Variants in ADK observed in about 807,000 individuals in gnomAD.
ADK encodes adenosine kinase.
In ADK, 24 loss-of-function variants were observed where a neutral mutation model predicts 44.7. The ratio of observed to expected loss-of-function variants is 0.54; its 90% CI spans 0.39 to 0.76. ADK has a LOEUF of 0.76. ADK is among the 30% of genes least tolerant of loss of function. ADK has a pLI of 0.00. For missense variants in ADK, 321 were observed against 425.1 expected (o/e 0.76, Z 2.15); for synonymous variants, 128 against 142.6 (o/e 0.90, Z 0.73).
intron 6 of ADK, among the ~76,000 whole-genome samples, chr10:74,488,243 C>G (rs189210261): frequency 1.6e-4 from 25 of 151,822 alleles, no homozygotes; most frequent in Non-Finnish European, 2.9e-4. Context: ...AGATCCTTGA[C>G]TATATATTAG....
chr10:74,195,758 G>A (rs1843120725), intron 1 of ADK, among the ~76,000 whole-genome samples: 1 of 118,556 alleles, frequency 8.4e-6, no homozygotes, highest in Non-Finnish European at 1.6e-5. Context: ...GCTCACTGTA[G>A]CCTCAACCTC....
rs182934996 is a variant in ADK, at chr10:74,571,521, G to A, written c.727-17761G>A. On this transcript the variant is annotated intron_variant, in intron 7 of 10. Transcript: ENST00000539909. ...TTCTTCCTGGTTTAGTCTTGGGAGG[G>A]TGTATGTGTCGAGGGATTTATTCAT... Among the ~76,000 whole-genome samples, 590 of 152,344 alleles carry A rather than the reference G, an allele frequency of 3.9e-3. 2 individuals are homozygous for A. The highest frequency in any genetic ancestry group is 6.6e-3 in the Non-Finnish European group (449 of 68,038).
At chr10:74,170,754 C>T (rs1316808840) in intron 1 of ADK, among the ~76,000 whole-genome samples, 4 of 147,720 alleles carry the variant, frequency 2.7e-5, no homozygotes, top group South Asian at 4.3e-4. Flanking sequence ...GAGCCGAGAT[C>T]GCGCCACTGC....
intron 6 of ADK, among the ~76,000 whole-genome samples, chr10:74,486,722 G>A (rs532201896): frequency 6.6e-6 from 1 of 152,084 alleles, no homozygotes; most frequent in East Asian, 1.9e-4. Context: ...TATTCAACTG[G>A]TCTGTGGTTC....
At chr10:74,467,273 C>T (rs547767150) in intron 6 of ADK, among the ~76,000 whole-genome samples, 70 of 152,128 alleles carry the variant, frequency 4.6e-4, no homozygotes, top group Non-Finnish European at 6.8e-4. Context: ...CACGTTGTTA[C>T]TGGTGCAAGC....
chr10:74,242,874 G>A (rs1314354454), intron 3 of ADK, among the ~76,000 whole-genome samples: 1 of 152,106 alleles, frequency 6.6e-6, no homozygotes, highest in Non-Finnish European at 1.5e-5. Flanking sequence ...GTACTTCAGG[G>A]AAGACCACCT....
At chr10:74,174,981 T>C (rs925304860) in intron 1 of ADK, among the ~76,000 whole-genome samples, 1 of 152,250 alleles carries the variant, frequency 6.6e-6, no homozygotes, top group Non-Finnish European at 1.5e-5. Flanking sequence ...TTTTGTGAAC[T>C]TAATTATTCT....
At chr10:74,360,265 G>A (rs1020978577) in intron 4 of ADK, among the ~76,000 whole-genome samples, 2 of 151,640 alleles carry the variant, frequency 1.3e-5, no homozygotes, top group African/African-American at 4.9e-5. Context: ...GAACACTGAT[G>A]TTTTTATATT....
intron 3 of ADK, among the ~76,000 whole-genome samples, chr10:74,297,328 G>T (rs781305169): frequency 3.7e-4 from 57 of 152,282 alleles, no homozygotes; most frequent in Non-Finnish European, 7.6e-4. Context: ...TAAGCTCATA[G>T]AAAATGGAAG....
At chr10:74,414,174 A>G (rs145202578) in intron 6 of ADK, among the ~76,000 whole-genome samples, 1 of 152,350 alleles carries the variant, frequency 6.6e-6, no homozygotes, top group African/African-American at 2.4e-5. Context: ...TAATGACACC[A>G]TACTCAAGGC....
intron 2 of ADK, among the ~76,000 whole-genome samples, chr10:74,202,129 A>G (rs1341752095): frequency 6.6e-6 from 1 of 152,130 alleles, no homozygotes; most frequent in Non-Finnish European, 1.5e-5. Context: ...AACTACTAGT[A>G]TACTTAGTTT....
chr10:74,626,208 C>G (rs1165437088), intron 9 of ADK, among the ~76,000 whole-genome samples: 1 of 152,072 alleles, frequency 6.6e-6, no homozygotes, highest in African/African-American at 2.4e-5. Context: ...GTGTCCACTT[C>G]CAGGAGATAG....
chr10:74,458,454 G>A (rs1254029330), intron 6 of ADK, among the ~76,000 whole-genome samples: 1 of 151,752 alleles, frequency 6.6e-6, no homozygotes, highest in Non-Finnish European at 1.5e-5. Context: ...AAACATTTTA[G>A]TGCAGAATAG....
At chr10:74,220,639 G>A (rs1177146225) in intron 2 of ADK, among the ~76,000 whole-genome samples, 20 of 152,206 alleles carry the variant, frequency 1.3e-4, no homozygotes, top group Admixed American at 3.3e-4. Context: ...CTGGCAAACC[G>A]AATCCAGCAG....
chr10:74,372,452 T>A, intron 4 of ADK: 1 of 480,240 alleles, frequency 2.1e-6, no homozygotes, highest in Non-Finnish European at 3.8e-6. Context: ...AACATGGAAA[T>A]AAGGTTGACG....
chr10:74,600,475 G>A lies in ADK; in HGVS notation c.859G>A (p.Asp287Asn). The change falls in exon 9 of 11, where the codon GAC becomes AAC. Residue 287 changes from aspartate (D) to asparagine (N), a missense_variant. Asp to Asn is a conservative substitution (Grantham distance 23, BLOSUM62 1). Coordinates refer to ENST00000539909, the MANE Select transcript of ADK (RefSeq NM_006721.4). ...CGTGATCTTCACCCAAGGGAGAGAT[G>A]ACACTATAATGGCTACAGGTACATG... ...RIVIFTQGRD[D>N]TIMATESEVT... The A allele has an allele frequency of 6.2e-7, 1 of 1,609,400 alleles. No homozygotes were observed. The highest frequency in any genetic ancestry group is 8.5e-7 in the Non-Finnish European group (1 of 1,177,166).
At chr10:74,267,754 T>TTTGTGTGTGTGTGTG (rs1554835954) in intron 3 of ADK, among the ~76,000 whole-genome samples, 1 of 132,734 alleles carries the variant, frequency 7.5e-6, no homozygotes, top group African/African-American at 2.8e-5. Flanking sequence ...ATATCCTTAT[T>TTTGTGTGTGTGTGTG]TGTGTGTGTG....
chr10:74,243,452 A>G (rs7084139), intron 3 of ADK, among the ~76,000 whole-genome samples: 2,796 of 152,270 alleles, frequency 0.018, 92 homozygotes, highest in African/African-American at 0.064. Context: ...CAGTTTGTTT[A>G]TATTCCTTTC....
chr10:74,270,156 A>G (rs1234749068), intron 3 of ADK, among the ~76,000 whole-genome samples: 1 of 152,220 alleles, frequency 6.6e-6, no homozygotes, highest in Non-Finnish European at 1.5e-5. Context: ...GAATAAAGCA[A>G]GTGATTAAAC....
Sources: allele counts gnomAD v4.1 joint callset (sites outside exome capture counted in the v4.1 genomes callset), GRCh38; gene constraint gnomAD v4.1.1; transcripts MANE v1.5; gene names NCBI Gene and HGNC (gene_info 2026-07-23, HGNC 2026-07-21).